ST8SIA3: variants seen among roughly 807,000 people sequenced by gnomAD.
ST8SIA3 encodes the protein ST8 alpha-N-acetyl-neuraminide alpha-2,8-sialyltransferase 3.
ST8SIA3 carries 17 observed loss-of-function variants against 34.5 expected under a neutral mutation model. The ratio of observed to expected loss-of-function variants is 0.49; its 90% confidence interval spans 0.34 to 0.74. The LOEUF (loss-of-function observed/expected upper bound fraction) is 0.74, where lower values mean the gene tolerates loss of function less well. ST8SIA3 is among the 30% of genes least tolerant of loss of function. ST8SIA3 has a pLI of 0.01. For missense variants in ST8SIA3, 354 were observed against 467.8 expected, an observed-to-expected ratio of 0.76 and a Z score of 2.24; for synonymous variants, 172 against 176.1, an observed-to-expected ratio of 0.98 and a Z score of 0.19.
At position 57,354,387 on chromosome 18, in the gene ST8SIA3, C is replaced by T; in HGVS notation, c.180-15C>T. The T allele has an allele frequency of 6.2e-7, 1 of 1,613,900 alleles. No individual in the cohort carries two copies. Among genetic ancestry groups the T allele is most frequent in the Non-Finnish European group, 8.5e-7 (1 of 1,179,866 alleles). ...TGAGGCCAGCACGCTTGTCTGTGCT[C>T]ATGCTCCTCTCCAGGTCACAATTTG... On this transcript the variant is annotated splice_polypyrimidine_tract_variant and intron_variant, in intron 1 of 3. Transcript: ENST00000324000.
chr18:57,359,656 GCAGCTTCAAAGGC>G lies in ST8SIA3; in HGVS notation c.861-326_861-314del, dbSNP rs981774787. On this transcript the variant is annotated intron_variant, in intron 3 of 3. Transcript: ENST00000324000. Reference sequence around the variant, plus strand: ...CACCACTCTTTAGAAAAACCCAGGGGCAGCTTCAAAGGCCAGCTTCAAAGGTGTGCAAACAGTG... The same window carrying G: ...CACCACTCTTTAGAAAAACCCAGGGGCAGCTTCAAAGGTGTGCAAACAGTG... 5.3e-5 allele frequency among the ~76,000 whole-genome samples: 8 copies of G among 152,242 alleles called. No individual in the cohort carries two copies. In the East Asian group the frequency reaches 7.7e-4, roughly 15 times the overall value.
chr18:57,356,152 G>A (rs1310136460), intron 2 of ST8SIA3, among the ~76,000 whole-genome samples: 3 of 152,130 alleles, frequency 2.0e-5, no homozygotes, highest in Admixed American at 6.5e-5. Flanking sequence ...CAATATGAAA[G>A]CAACGTGAAA....
chr18:57,363,927 C>A lies in ST8SIA3; in HGVS notation c.*3650C>A, dbSNP rs1275155623. 1 of 152,164 alleles carries A rather than the reference C, an allele frequency of 6.6e-6. No homozygotes were observed. Among genetic ancestry groups the A allele is most frequent in the African/African-American group, 2.4e-5 (1 of 41,434 alleles). The allele number at this position is 152,164 out of a possible 1,614,324, so 9.4% of individuals were successfully genotyped here. ...CCTCCTCTAGTACTTCTTGGTCTTA[C>A]CAGCATCAAATGAAGCTGGGCTCAC... On this transcript the variant is annotated 3_prime_UTR_variant, in exon 4 of 4. Coordinates refer to ENST00000324000, the MANE Select transcript of ST8SIA3 (RefSeq NM_015879.3).
rs1180721200 is a variant in ST8SIA3, at chr18:57,352,609, CCG to C, written c.-232_-231del. 1.9e-6 allele frequency: 1 copy of C among 524,212 alleles called. No individual in the cohort carries two copies. The highest frequency in any genetic ancestry group is 2.7e-5 in the Admixed American group (1 of 36,700). The allele number at this position is 524,212 out of a possible 1,614,324, so 32.5% of individuals were successfully genotyped here. A position where few individuals can be genotyped will look rare whatever the true frequency, so the allele number is the denominator to read the frequency against. ...CCATCTTCCTGCTCGGCACCGGGCCCCGCGCGCCCCTGCCTACGGGGTCCCGC... is the reference window on the plus strand; with the variant it reads ...CCATCTTCCTGCTCGGCACCGGGCCCCGCGCCCCTGCCTACGGGGTCCCGC... On this transcript the variant is annotated 5_prime_UTR_variant, in exon 1 of 4. Transcript: ENST00000324000.
rs897154311 is a variant in ST8SIA3 at position 57,366,082 on chromosome 18, T to C, written c.*5805T>C. 1.3e-5 allele frequency: 2 copies of C among 152,148 alleles called. No individual in the cohort carries two copies. Among genetic ancestry groups the C allele is most frequent in the Non-Finnish European group, 2.9e-5 (2 of 68,030 alleles). The allele number at this position is 152,148 out of a possible 1,614,324, so 9.4% of individuals were successfully genotyped here. ...TCAACCAGCTGAAAACACAACAATA[T>C]GTTTTCAAGAGCCAGTATAAGTTGG... On this transcript the variant is annotated 3_prime_UTR_variant, in exon 4 of 4. Coordinates refer to ENST00000324000, the MANE Select transcript of ST8SIA3 (RefSeq NM_015879.3).
intron 1 of ST8SIA3, among the ~76,000 whole-genome samples, chr18:57,353,665 C>T (rs2049780069): frequency 6.6e-6 from 1 of 152,170 alleles, no homozygotes; most frequent in African/African-American, 2.4e-5. Context: ...CCCACCCTCG[C>T]CAGGTCGGAG....
At chr18:57,353,135 C>G in intron 1 of ST8SIA3, 110 bp downstream of exon 1, 2 of 1,049,808 alleles carry the variant, frequency 1.9e-6, no homozygotes, top group Non-Finnish European at 2.8e-6. Flanking sequence ...CTCTTTGGGC[C>G]AGATAACTGC....
rs1052898837 is a variant in ST8SIA3 at position 57,365,704 on chromosome 18, A to G, written c.*5427A>G. On this transcript the variant is annotated 3_prime_UTR_variant, in exon 4 of 4. Transcript: ENST00000324000. ...CAGGCTAAAATAAAACCAATCAAAA[A>G]AGGAAATTCAGGAGGCTCCAGTTCT... 2.6e-5 allele frequency: 4 copies of G among 152,244 alleles called. No individual in the cohort carries two copies. Among genetic ancestry groups the G allele is most frequent in the Admixed American group, 2.6e-4 (4 of 15,284 alleles). 9.4% of individuals were successfully genotyped at this position (152,244 alleles called of 1,614,324 possible).
At position 57,353,030 on chromosome 18, in the gene ST8SIA3, G is replaced by T; in HGVS notation, c.179+5G>T. On this transcript the variant is annotated splice_donor_5th_base_variant and intron_variant, in intron 1 of 3. Transcript: ENST00000324000. ...CATGTTCCACGCGGGATTCCGGTGAGTGCGGGCCTCTGTGTTAGTGCCCTC... is the reference window on the plus strand; with the variant it reads ...CATGTTCCACGCGGGATTCCGGTGATTGCGGGCCTCTGTGTTAGTGCCCTC... 1 of 1,605,054 alleles carries T rather than the reference G, an allele frequency of 6.2e-7. No homozygotes were observed. The highest frequency in any genetic ancestry group is 8.5e-7 in the Non-Finnish European group (1 of 1,179,514).
rs2049858216 is a variant in ST8SIA3, at chr18:57,365,963, T to C, written c.*5686T>C. ...TGCTGCCAAATGTTTAACAACTGGC[T>C]CTGGAAAACAGTGGAACCCAGATTT... On this transcript the variant is annotated 3_prime_UTR_variant, in exon 4 of 4. Transcript: ENST00000324000. 3 of 152,222 alleles carry C rather than the reference T, an allele frequency of 2.0e-5. No homozygotes were observed. The highest frequency in any genetic ancestry group is 2.0e-4 in the Admixed American group (3 of 15,286). The allele number at this position is 152,222 out of a possible 1,614,324, so 9.4% of individuals were successfully genotyped here. A position where few individuals can be genotyped will look rare whatever the true frequency, so the allele number is the denominator to read the frequency against.
At chr18:57,353,147 C>A (rs2049775075) in intron 1 of ST8SIA3, 122 bp downstream of exon 1, 2 of 930,304 alleles carry the variant, frequency 2.1e-6, no homozygotes, top group African/African-American at 3.3e-5. Context: ...GATAACTGCG[C>A]GGTCCTTCCA....
intron 2 of ST8SIA3, among the ~76,000 whole-genome samples, chr18:57,356,550 G>A (rs1419350554): frequency 6.6e-6 from 1 of 152,170 alleles, no homozygotes; most frequent in Non-Finnish European, 1.5e-5. Flanking sequence ...GTGCATTAAT[G>A]TGAGCTCTTT....
Position 57,368,522 on chromosome 18 carries a change from G to A in ST8SIA3, c.*8245G>A, listed in dbSNP as rs1163174202. On this transcript the variant is annotated 3_prime_UTR_variant, in exon 4 of 4. Transcript: ENST00000324000. ...GTTTTGGAAAGTGCCATTTTATGCT[G>A]AGATACTGGTATTGAAAACTTCCCT... 2 of 152,212 alleles carry A rather than the reference G, an allele frequency of 1.3e-5. No individual in the cohort carries two copies. Among genetic ancestry groups the A allele is most frequent in the African/African-American group, 4.8e-5 (2 of 41,450 alleles). 9.4% of individuals were successfully genotyped at this position (152,212 alleles called of 1,614,324 possible).
rs1276461152 is a variant in ST8SIA3 at position 57,363,496 on chromosome 18, CTG to C, written c.*3222_*3223del. 2.0e-5 allele frequency: 3 copies of C among 152,312 alleles called. No individual in the cohort carries two copies. The highest frequency in any genetic ancestry group is 4.4e-5 in the Non-Finnish European group (3 of 68,118). The allele number at this position is 152,312 out of a possible 1,614,324, so 9.4% of individuals were successfully genotyped here. A position where few individuals can be genotyped will look rare whatever the true frequency, so the allele number is the denominator to read the frequency against. ...TGACTATGACTACTGTGCCATCTGTCTGTGACCTTGATGTCAGGTACCTGGCC... is the reference window on the plus strand; with the variant it reads ...TGACTATGACTACTGTGCCATCTGTCTGACCTTGATGTCAGGTACCTGGCC... On this transcript the variant is annotated 3_prime_UTR_variant, in exon 4 of 4. Transcript: ENST00000324000.
chr18:57,363,196 T>C lies in ST8SIA3; in HGVS notation c.*2919T>C, dbSNP rs760376961. ...ACACCAACACAAAAAACCAATTAAG[T>C]TGCAGAGGGGGGAAATAATCACAAA... On this transcript the variant is annotated 3_prime_UTR_variant, in exon 4 of 4. Transcript: ENST00000324000. 2.9e-4 allele frequency: 44 copies of C among 152,184 alleles called. No homozygotes were observed. The highest frequency in any genetic ancestry group is 4.7e-4 in the Non-Finnish European group (32 of 68,050). The allele number at this position is 152,184 out of a possible 1,614,324, so 9.4% of individuals were successfully genotyped here.
At position 57,363,826 on chromosome 18, in the gene ST8SIA3, A is replaced by C. The variant is rs1427702544; in HGVS notation, c.*3549A>C. On this transcript the variant is annotated 3_prime_UTR_variant, in exon 4 of 4. Transcript: ENST00000324000. ...CCAGTCTTGATTCTTGACTTTACAA[A>C]TGAGAAAATGGAGAAACAGGGAGGC... 3 of 152,200 alleles carry C rather than the reference A, an allele frequency of 2.0e-5. No individual in the cohort carries two copies. The highest frequency in any genetic ancestry group is 4.4e-5 in the Non-Finnish European group (3 of 68,048). The allele number at this position is 152,200 out of a possible 1,614,324, so 9.4% of individuals were successfully genotyped here. A position where few individuals can be genotyped will look rare whatever the true frequency, so the allele number is the denominator to read the frequency against.
chr18:57,354,326 C>T, intron 1 of ST8SIA3, 76 bp from the exon 2 acceptor site: 2 of 1,594,774 alleles, frequency 1.3e-6, no homozygotes, highest in Non-Finnish European at 1.7e-6. Flanking sequence ...TCGCCCCAGC[C>T]GCTGCACTTT....
At position 57,357,749 on chromosome 18, in the gene ST8SIA3, G is replaced by A. The variant is rs576656418; in HGVS notation, c.860+279G>A. Among the ~76,000 whole-genome samples, 19 of 152,228 alleles carry A rather than the reference G, an allele frequency of 1.2e-4. 1 individual carries two copies. The South Asian group carries it at 3.9e-3, about 32-fold the overall frequency. ...TCCTCTCCCTTGGTAGTAAGGCTAT[G>A]GAGCAGTCATGGAAATCACCACAAA... On this transcript the variant is annotated intron_variant, in intron 3 of 3. Coordinates refer to ENST00000324000, the MANE Select transcript of ST8SIA3 (RefSeq NM_015879.3).
intron 3 of ST8SIA3, among the ~76,000 whole-genome samples, chr18:57,359,685 G>A (rs907694558): frequency 6.6e-6 from 1 of 152,324 alleles, no homozygotes; most frequent in Middle Eastern, 3.4e-3. Flanking sequence ...TCAAAGGTGT[G>A]CAAACAGTGT....
Sources: allele counts gnomAD v4.1 joint callset (sites outside exome capture counted in the v4.1 genomes callset), GRCh38; gene constraint gnomAD v4.1.1; transcripts MANE v1.5; gene names NCBI Gene and HGNC (gene_info 2026-07-23, HGNC 2026-07-21).